TAB1: variants seen among roughly 807,000 people sequenced by gnomAD.
TAB1 encodes TGF-beta activated kinase 1 (MAP3K7) binding protein 1, also known as TGF-beta-activated kinase 1 and MAP3K7-binding protein 1.
TAB1 carries 30 observed loss-of-function variants against 54.5 expected under a neutral mutation model. The observed-to-expected ratio is 0.55, with a 90% CI of 0.41 to 0.75. The LOEUF (loss-of-function observed/expected upper bound fraction) is 0.75. Ranked by LOEUF, TAB1 falls within the 30% of genes least tolerant of loss-of-function variation. The pLI is 0.00. For synonymous variants in TAB1, 289 were observed against 286.9 expected (o/e 1.01, Z -0.07); for missense variants, 609 against 683.2 (o/e 0.89, Z 1.21).
intron 8 of TAB1, among the ~76,000 whole-genome samples, chr22:39,425,366 C>T: frequency 6.6e-6 from 1 of 150,964 alleles, no homozygotes; most frequent in East Asian, 1.9e-4. Flanking sequence ...CTGGTCAACA[C>T]AGTGAGACTC....
chr22:39,414,397 G>A (rs556036245), intron 1 of TAB1, among the ~76,000 whole-genome samples: 224 of 152,286 alleles, frequency 1.5e-3, no homozygotes, highest in African/African-American at 5.3e-3. Flanking sequence ...CATAAACTCC[G>A]ACTTAAAAGC....
In TAB1 at chr22:39,415,762, G is replaced by A. The variant is rs908000240; in HGVS notation, c.324+109G>A. 1 of 1,404,534 alleles carries A rather than the reference G, an allele frequency of 7.1e-7. No homozygotes were observed. Among genetic ancestry groups the A allele is most frequent in the South Asian group, 1.4e-5 (1 of 73,514 alleles). The allele number at this position is 1,404,534 out of a possible 1,614,324, so 87.0% of individuals were successfully genotyped here. ...CAGGGTTGGTGTGAAGATCCTGCCG[G>A]CCCCTTCACCCCAGTAGAGGAGCAG... On this transcript the variant is annotated intron_variant, in intron 3 of 10. Coordinates refer to ENST00000216160, the MANE Select transcript of TAB1 (RefSeq NM_006116.3). This position sits in a 1 kb window ranked among gnomAD's most constrained non-coding sequence, Gnocchi z 4.9.
intron 1 of TAB1, chr22:39,414,770 T>G: frequency 1.9e-6 from 1 of 517,778 alleles, no homozygotes. Context: ...CGCCTTACAT[T>G]TGGGAATGGT....
Position 39,419,519 on chromosome 22 carries a change from G to C in TAB1, c.665G>C (p.Gly222Ala), listed in dbSNP as rs376676185. ...EDELFRLSQL[G>A]LDAGKIKQVG... ...ATTGTTGCACTGTTTCCCTCCGTAG[G>C]CTTGGATGCTGGAAAGATCAAGCAG... Residue 222 changes from glycine (G) to alanine (A), a missense_variant and splice_region_variant, in exon 7 of 11, where the codon GGC becomes GCC. Physicochemically the swap from Gly to Ala is moderately conservative, Grantham distance 60. Transcript: ENST00000216160. The C allele has an allele frequency of 4.1e-5, 65 of 1,604,036 alleles. No homozygotes were observed. The African/African-American group carries it at 7.8e-4, about 19-fold the overall frequency.
intron 9 of TAB1, 131 bp from the exon 10 acceptor site, chr22:39,427,890 A>G: frequency 1.2e-6 from 1 of 856,802 alleles, no homozygotes; most frequent in Non-Finnish European, 1.7e-6. Flanking sequence ...GGGCTTGGGG[A>G]GCCAGGCATG....
chr22:39,418,551 C>G (rs1256396141), intron 5 of TAB1, among the ~76,000 whole-genome samples, 181 bp from the exon 6 acceptor site: 1 of 152,072 alleles, frequency 6.6e-6, no homozygotes, highest in African/African-American at 2.4e-5. Context: ...AAAGTTAAAC[C>G]CAATTCTTTC....
At chr22:39,400,574 G>A (rs889338305) in intron 1 of TAB1, among the ~76,000 whole-genome samples, 1 of 152,188 alleles carries the variant, frequency 6.6e-6, no homozygotes, top group African/African-American at 2.4e-5. Context: ...TGGGTTTGGC[G>A]CTGTCTTCCA....
At chr22:39,435,267 T>C (rs375394511), downstream of TAB1, among the ~76,000 whole-genome samples, 20 of 152,328 alleles carry the variant, frequency 1.3e-4, no homozygotes, top group African/African-American at 4.8e-4. Context: ...CATTTTGAAA[T>C]TACTCATCAA....
intron 8 of TAB1, among the ~76,000 whole-genome samples, chr22:39,424,705 C>T (rs1000702280): frequency 2.6e-5 from 4 of 152,130 alleles, no homozygotes; most frequent in African/African-American, 9.7e-5. Context: ...GCCTTGGCCT[C>T]CCAAAGTTCT....
chr22:39,421,708 T>G, intron 7 of TAB1, 119 bp from the exon 8 acceptor site: 1 of 1,075,852 alleles, frequency 9.3e-7, no homozygotes, highest in Non-Finnish European at 1.4e-6. Flanking sequence ...TTTCTTTTCC[T>G]CTTGTCAGGT....
downstream of TAB1, chr22:39,433,887 G>T: frequency 1.2e-6 from 1 of 821,704 alleles, no homozygotes. Flanking sequence ...CCACCCCACC[G>T]CCCCCTGCCC....
intron 4 of TAB1, 100 bp downstream of exon 4, chr22:39,416,977 C>A: frequency 8.2e-7 from 1 of 1,219,068 alleles, no homozygotes; most frequent in Non-Finnish European, 1.2e-6. Context: ...GCCAGAGCAA[C>A]AGGCGTTAGG....
chr22:39,421,912 A>T lies in TAB1; in HGVS notation c.862A>T (p.Met288Leu). ...TGGGGTGACGGGCTTCTTGGTGCTGATGTCGGAGGGGTTGTACAAGGCCCT... is the reference window on the plus strand; with the variant it reads ...TGGGGTGACGGGCTTCTTGGTGCTGTTGTCGGAGGGGTTGTACAAGGCCCT... ...LDGVTGFLVL[M>L]SEGLYKALEA... The change falls in exon 8 of 11, where the codon ATG (methionine) becomes TTG (leucine). Residue 288 changes from methionine to leucine, a missense_variant. Coordinates refer to ENST00000216160, the MANE Select transcript of TAB1 (RefSeq NM_006116.3). 1.2e-6 allele frequency: 2 copies of T among 1,612,458 alleles called. No individual in the cohort carries two copies. The highest frequency in any genetic ancestry group is 1.3e-5 in the African/African-American group (1 of 74,944).
chr22:39,404,766 C>T (rs1236384989), intron 1 of TAB1, among the ~76,000 whole-genome samples: 1 of 152,158 alleles, frequency 6.6e-6, no homozygotes, highest in South Asian at 2.1e-4. Context: ...TGCCCTAGCA[C>T]ATTGGAAGTG....
At chr22:39,425,590 T>C (rs1386446717) in intron 8 of TAB1, among the ~76,000 whole-genome samples, 1 of 151,726 alleles carries the variant, frequency 6.6e-6, no homozygotes, top group East Asian at 1.9e-4. Flanking sequence ...AGTCTCGCTC[T>C]GTCACCCAGG....
chr22:39,401,128 A>ATGTGC (rs2145650006), intron 1 of TAB1, among the ~76,000 whole-genome samples: 1 of 151,866 alleles, frequency 6.6e-6, no homozygotes, highest in Non-Finnish European at 1.5e-5. Context: ...ATCTATCACC[A>ATGTGC]TGTGCTGGGC....
chr22:39,436,012 C>A (rs940306655), downstream of TAB1, among the ~76,000 whole-genome samples: 30 of 152,260 alleles, frequency 2.0e-4, no homozygotes, highest in Non-Finnish European at 1.2e-4. Context: ...TAGGTTCTGG[C>A]TGGGCACGGT....
rs375425049 is a variant in TAB1 at position 39,417,323 on chromosome 22, C to G, written c.412-388C>G. 3.6e-4 allele frequency among the ~76,000 whole-genome samples: 55 copies of G among 152,310 alleles called. No homozygotes were observed. In the South Asian group the frequency reaches 0.011, roughly 32 times the overall value. On this transcript the variant is annotated intron_variant, in intron 4 of 10. Transcript: ENST00000216160. ...TCCCCCGGGCCCTCGGATCTTTGCTCTTAAGAGCAAAGGGAGGCCGGGCAT... is the reference window on the plus strand; with the variant it reads ...TCCCCCGGGCCCTCGGATCTTTGCTGTTAAGAGCAAAGGGAGGCCGGGCAT...
downstream of TAB1, chr22:39,433,570 G>A (rs1927668807): frequency 1.0e-6 from 1 of 985,446 alleles, no homozygotes; most frequent in African/African-American, 1.7e-5. Context: ...GTCTGAGGGC[G>A]CCGCAGCACC....
Sources: allele counts gnomAD v4.1 joint callset (sites outside exome capture counted in the v4.1 genomes callset), GRCh38; gene constraint gnomAD v4.1.1; non-coding constraint Gnocchi (gnomAD v3.1); transcripts MANE v1.5; gene names NCBI Gene and HGNC (gene_info 2026-07-23, HGNC 2026-07-21).